The following IL1RAPL1 variants were observed in gnomAD, a reference collection of about 807,000 sequenced individuals.
IL1RAPL1 encodes interleukin-1 receptor accessory protein-like 1.
A neutral mutation model predicts 48.4 loss-of-function variants in IL1RAPL1; 3 were observed. The ratio of observed to expected loss-of-function variants is 0.06; its 90% CI spans 0.03 to 0.16. The LOEUF is 0.16. Ranked by LOEUF, IL1RAPL1 falls within the 10% of genes least tolerant of loss-of-function variation. The pLI is 1.00. For synonymous variants in IL1RAPL1, 185 were observed against 187.7 expected, an observed-to-expected ratio of 0.99 and a Z score of 0.12; for missense variants, 349 against 530.6, an observed-to-expected ratio of 0.66 and a Z score of 3.36.
At chrX:29,742,340 A>G (rs1173691938) in intron 6 of IL1RAPL1, among the ~76,000 whole-genome samples, 3 of 111,776 alleles carry the variant, frequency 2.7e-5, no homozygotes, top group Non-Finnish European at 5.6e-5. Flanking sequence ...TTGAATAAGT[A>G]TTGACATTTT....
chrX:29,951,501 AAGG>A (rs1233509637), intron 9 of IL1RAPL1, among the ~76,000 whole-genome samples: 1 of 111,174 alleles, frequency 9.0e-6, no homozygotes, highest in African/African-American at 3.3e-5. Flanking sequence ...TCTTCTCCAG[AAGG>A]AGAAGGAAAT....
intron 2 of IL1RAPL1, among the ~76,000 whole-genome samples, chrX:29,177,907 T>C (rs1930059044): frequency 8.9e-6 from 1 of 112,051 alleles, no homozygotes; most frequent in African/African-American, 3.2e-5. Flanking sequence ...TCTATGTCCC[T>C]GCAAAGGACA....
intron 1 of IL1RAPL1, among the ~76,000 whole-genome samples, chrX:28,759,989 A>C (rs763287502): frequency 8.9e-6 from 1 of 112,086 alleles, no homozygotes; most frequent in East Asian, 2.8e-4. Context: ...TGAGGAATTA[A>C]AAAAGTTATT....
rs753452948 is a variant in IL1RAPL1, at chrX:29,169,496, A to G, written c.83-113442A>G. On this transcript the variant is annotated intron_variant, in intron 2 of 10. Transcript: ENST00000378993. ...AGTACAATTATAGCCAAAATCTCAT[A>G]TGAAAAAAATGACAGAAACATGCAT... 8.1e-5 allele frequency among the ~76,000 whole-genome samples: 9 copies of G among 110,851 alleles called. No individual in the cohort carries two copies. In the South Asian group the frequency reaches 3.4e-3, roughly 41 times the overall value.
intron 2 of IL1RAPL1, among the ~76,000 whole-genome samples, chrX:28,868,694 A>G (rs1240269460): frequency 9.0e-6 from 1 of 111,365 alleles, no homozygotes; most frequent in Non-Finnish European, 1.9e-5. Flanking sequence ...TCTTGCATCA[A>G]TTTTCCATTG....
intron 2 of IL1RAPL1, among the ~76,000 whole-genome samples, chrX:28,957,005 C>T (rs1281735612): frequency 4.5e-5 from 5 of 110,673 alleles, no homozygotes; most frequent in South Asian, 3.9e-4. Flanking sequence ...GTGTATGTGT[C>T]GAGGAATGTA....
At position 29,367,365 on chromosome X, in the gene IL1RAPL1, A is replaced by G. The variant is rs191286955; in HGVS notation, c.363-28893A>G. 3.4e-3 allele frequency among the ~76,000 whole-genome samples: 376 copies of G among 111,396 alleles called. 2 individuals are homozygous for G. The highest frequency in any genetic ancestry group is 0.012 in the African/African-American group (356 of 30,671). On this transcript the variant is annotated intron_variant, in intron 3 of 10. Transcript: ENST00000378993. ...TATATTATGAAGTGTTTGCAAAATA[A>G]TAAGCACCACATGAATAATGCATTT...
intron 5 of IL1RAPL1, among the ~76,000 whole-genome samples, chrX:29,503,559 A>G (rs1369598746): frequency 8.9e-6 from 1 of 111,827 alleles, no homozygotes; most frequent in Non-Finnish European, 1.9e-5. Flanking sequence ...TCTATTTTCA[A>G]TCATTTCAAG....
chrX:29,129,039 C>CTTTTTTTT (rs62772160), intron 2 of IL1RAPL1, among the ~76,000 whole-genome samples: 2 of 62,389 alleles, frequency 3.2e-5, no homozygotes, highest in African/African-American at 1.3e-4. Flanking sequence ...TACCTAGAAT[C>CTTTTTTTT]TTTTTTTTTT....
chrX:29,030,000 G>A lies in IL1RAPL1; in HGVS notation c.82+240575G>A, dbSNP rs1384914342. Among the ~76,000 whole-genome samples, 9 of 108,366 alleles carry A rather than the reference G, an allele frequency of 8.3e-5. No individual in the cohort carries two copies. The East Asian group carries it at 2.3e-3, about 28-fold the overall frequency. 94.1% of individuals were successfully genotyped at this position (108,366 alleles called of 115,157 possible). ...TGTTCCAACACCATTGGTTGAAAAG[G>A]CTATCTTTTTTTCATTGTATTGCCT... On this transcript the variant is annotated intron_variant, in intron 2 of 10. Coordinates refer to ENST00000378993, the MANE Select transcript of IL1RAPL1 (RefSeq NM_014271.4).
chrX:29,402,240 T>A (rs753216667), intron 5 of IL1RAPL1, among the ~76,000 whole-genome samples: 1 of 111,579 alleles, frequency 9.0e-6, no homozygotes, highest in East Asian at 2.8e-4. Flanking sequence ...CCCTCTGAAC[T>A]CTTATTCATG....
At chrX:29,867,046 G>A (rs185158968) in intron 6 of IL1RAPL1, among the ~76,000 whole-genome samples, 7 of 110,387 alleles carry the variant, frequency 6.3e-5, no homozygotes, top group African/African-American at 2.3e-4. Context: ...AGGATCACCC[G>A]GGCAACTTTG....
At chrX:28,767,715 ATGTGTGTGTGTGTG>A (rs35909020) in intron 1 of IL1RAPL1, among the ~76,000 whole-genome samples, 1 of 101,847 alleles carries the variant, frequency 9.8e-6, no homozygotes, top group Non-Finnish European at 2.0e-5. Context: ...AGCCTGGGGG[ATGTGTGTGTGTGTG>A]TGTGTGTGTG....
At chrX:28,615,802 C>T (rs1422957953) in intron 1 of IL1RAPL1, among the ~76,000 whole-genome samples, 4 of 111,956 alleles carry the variant, frequency 3.6e-5, no homozygotes, top group Non-Finnish European at 7.5e-5. Context: ...ATACCCAAAG[C>T]TGCTTAATGA....
chrX:28,886,037 C>G (rs959314568), intron 2 of IL1RAPL1, among the ~76,000 whole-genome samples: 2 of 110,570 alleles, frequency 1.8e-5, no homozygotes, highest in African/African-American at 6.6e-5. Flanking sequence ...TTCCTTTATA[C>G]TGTATAAACC....
chrX:29,675,395 A>G (rs1279032396), intron 6 of IL1RAPL1, among the ~76,000 whole-genome samples: 2 of 110,984 alleles, frequency 1.8e-5, no homozygotes, highest in Non-Finnish European at 3.8e-5. Context: ...TAAGCTTCCA[A>G]CTCCTGGTCT....
At chrX:29,889,981 A>T (rs1197852937) in intron 6 of IL1RAPL1, among the ~76,000 whole-genome samples, 2 of 111,207 alleles carry the variant, frequency 1.8e-5, no homozygotes, top group Non-Finnish European at 3.8e-5. Context: ...TATATATTAC[A>T]TTATATATGT....
At chrX:29,724,275 A>G (rs1404734560) in intron 6 of IL1RAPL1, among the ~76,000 whole-genome samples, 1 of 111,388 alleles carries the variant, frequency 9.0e-6, no homozygotes, top group East Asian at 2.8e-4. Context: ...ACAGATGCCT[A>G]AGGGCCACTG....
intron 2 of IL1RAPL1, among the ~76,000 whole-genome samples, chrX:29,105,839 A>C (rs1438234780): frequency 9.0e-6 from 1 of 111,706 alleles, no homozygotes. Flanking sequence ...TTCATCCAGA[A>C]AGCCATCAAT....
Sources: gnomAD v4.1 joint callset for allele counts (sites outside exome capture counted in the v4.1 genomes callset) on GRCh38, gnomAD v4.1.1 for gene constraint, MANE v1.5 for transcripts, NCBI Gene and HGNC (gene_info 2026-07-23, HGNC 2026-07-21) for gene names.